The following WRN variants were observed in gnomAD, a reference collection of about 807,000 sequenced individuals.
WRN encodes bifunctional 3'-5' exonuclease/ATP-dependent helicase WRN.
WRN carries 149 observed loss-of-function variants against 180.7 expected under a neutral mutation model. The ratio of observed to expected loss-of-function variants is 0.82; its 90% confidence interval spans 0.72 to 0.94. The LOEUF (loss-of-function observed/expected upper bound fraction) is 0.94, where lower values mean the gene tolerates loss of function less well. WRN is among the 40% of genes least tolerant of loss of function. The probability of loss-of-function intolerance (pLI) is 0.00; values close to 1 mark genes in which losing one functional copy is unlikely to be tolerated. For synonymous variants in WRN, 548 were observed against 568.9 expected, an observed-to-expected ratio of 0.96 and a Z score of 0.52; for missense variants, 1,661 against 1,700.1, an observed-to-expected ratio of 0.98 and a Z score of 0.40.
chr8:31,047,096 A>G (rs1379637204), intron 1 of WRN, among the ~76,000 whole-genome samples: 1 of 147,680 alleles, frequency 6.8e-6, no homozygotes, highest in Non-Finnish European at 1.5e-5. Flanking sequence ...AATTGGTCTT[A>G]CTGTAAAATT....
At chr8:31,062,546 TAC>T (rs1414968584) in intron 3 of WRN, among the ~76,000 whole-genome samples, 1 of 151,818 alleles carries the variant, frequency 6.6e-6, no homozygotes, top group Non-Finnish European at 1.5e-5. Context: ...TAGCTGGGAC[TAC>T]AGGCATGCAC....
At chr8:31,121,178 G>A (rs1036647330) in intron 21 of WRN, among the ~76,000 whole-genome samples, 3 of 151,920 alleles carry the variant, frequency 2.0e-5, no homozygotes, top group Non-Finnish European at 2.9e-5. Context: ...AGAATCTCAG[G>A]AGAAAAACCT....
intron 17 of WRN, among the ~76,000 whole-genome samples, chr8:31,097,801 T>A (rs1310260258): frequency 6.6e-6 from 1 of 151,998 alleles, no homozygotes; most frequent in African/African-American, 2.4e-5. Context: ...TTTTTCTTCT[T>A]GGTGGTTAGG....
intron 33 of WRN, among the ~76,000 whole-genome samples, chr8:31,159,047 C>A (rs902400669): frequency 6.6e-6 from 1 of 151,858 alleles, no homozygotes; most frequent in African/African-American, 2.4e-5. Context: ...GTCTGTAATC[C>A]CAGCACTTTG....
chr8:31,054,553 C>T (rs1812190692), intron 1 of WRN, among the ~76,000 whole-genome samples: 1 of 151,920 alleles, frequency 6.6e-6, no homozygotes, highest in South Asian at 2.1e-4. Context: ...AAAACAACAA[C>T]AACAAAAATT....
intron 7 of WRN, among the ~76,000 whole-genome samples, chr8:31,074,332 A>G (rs944459169): frequency 6.6e-6 from 1 of 152,170 alleles, no homozygotes; most frequent in African/African-American, 2.4e-5. Context: ...GAGTGAGTGT[A>G]GACAACTCTT....
intron 31 of WRN, among the ~76,000 whole-genome samples, chr8:31,152,455 A>G (rs1303930488): frequency 1.3e-5 from 2 of 152,260 alleles, no homozygotes; most frequent in East Asian, 3.9e-4. Context: ...ATGAAATAAT[A>G]CTGGCTATGA....
chr8:31,058,330 G>A (rs1486567444), intron 1 of WRN, 42 bp from the exon 2 acceptor site: 3 of 824,640 alleles, frequency 3.6e-6, no homozygotes, highest in Non-Finnish European at 4.0e-6. Context: ...CTTTAAATAT[G>A]TATGTTTGGT....
chr8:31,143,694 G>A, intron 28 of WRN, 71 bp downstream of exon 28: 1 of 1,103,986 alleles, frequency 9.1e-7, no homozygotes, highest in Admixed American at 1.9e-5. Flanking sequence ...AGAAAGAACT[G>A]TCAGATGTTG....
chr8:31,120,805 A>G (rs551951802), intron 21 of WRN, among the ~76,000 whole-genome samples: 25 of 152,130 alleles, frequency 1.6e-4, no homozygotes, highest in African/African-American at 6.0e-4. Flanking sequence ...AGTTACTTCA[A>G]CTACCACTGA....
chr8:31,102,352 A>G (rs967010603), intron 18 of WRN, among the ~76,000 whole-genome samples: 1 of 152,208 alleles, frequency 6.6e-6, no homozygotes, highest in Non-Finnish European at 1.5e-5. Context: ...CTTGAGATCT[A>G]TCCAAGTTGT....
Position 31,067,150 on chromosome 8 carries a change from G to C in WRN, c.622G>C (p.Asp208His), listed in dbSNP as rs2130050397. The change falls in exon 6 of 35, where the codon GAC becomes CAC. Residue 208 changes from aspartate (D) to histidine (H), a missense_variant. Asp to His is a moderately conservative substitution (Grantham distance 81, BLOSUM62 -1). Around this residue, in one of 3 missense-constraint regions of WRN, gnomAD observed 500 missense variants for 504.1 expected, o/e 0.99. Transcript: ENST00000298139. The part of the protein sequence containing the change: ...SNWSKFPLTE[D>H]QKLYAATDAY... The stretch of plus-strand genomic sequence containing the variant: ...TTGGAGTAAATTTCCTCTCACTGAG[G>C]ACCAGAAACTGTATGCAGCCACTGA... 6.2e-7 allele frequency: 1 copy of C among 1,613,830 alleles called. No homozygotes were observed. Among genetic ancestry groups the C allele is most frequent in the Admixed American group, 1.7e-5 (1 of 60,028 alleles).
At chr8:31,131,554 T>A (rs1158024964) in intron 23 of WRN, 4 of 152,534 alleles carry the variant, frequency 2.6e-5, no homozygotes, top group African/African-American at 7.2e-5. Context: ...TCTCCATGTC[T>A]GCTGCTGGAA....
intron 19 of WRN, among the ~76,000 whole-genome samples, chr8:31,113,899 G>GAA (rs1801417430): frequency 6.6e-6 from 1 of 152,050 alleles, no homozygotes; most frequent in South Asian, 2.1e-4. Flanking sequence ...ACATCCTTAA[G>GAA]TCTGGAATAC....
At chr8:31,170,345 G>A (rs1016090259) in intron 34 of WRN, among the ~76,000 whole-genome samples, 2 of 151,904 alleles carry the variant, frequency 1.3e-5, no homozygotes, top group African/African-American at 4.8e-5. Context: ...GTATAAGAGA[G>A]AATGTATGAC....
At chr8:31,164,242 G>A (rs995849622) in intron 33 of WRN, among the ~76,000 whole-genome samples, 2 of 152,002 alleles carry the variant, frequency 1.3e-5, no homozygotes, top group African/African-American at 2.4e-5. Context: ...AATACTTTTT[G>A]TTCTCTTACT....
rs201893080 is a variant in WRN at position 31,154,601 on chromosome 8, G to A, written c.3688-23G>A. ...ATTGTATTGATATTACTGATCATTT[G>A]TGCTACATTAAAAATTCTGTAGACA... On this transcript the variant is annotated intron_variant, in intron 31 of 34. Coordinates refer to ENST00000298139, the MANE Select transcript of WRN (RefSeq NM_000553.6). 3.0e-4 allele frequency: 486 copies of A among 1,601,308 alleles called. 2 individuals carry two copies. The Middle Eastern group carries it at 6.0e-3, about 20-fold the overall frequency.
intron 23 of WRN, 71 bp from the exon 24 acceptor site, chr8:31,132,294 G>T (rs1355836964): frequency 6.4e-7 from 1 of 1,550,778 alleles, no homozygotes. Context: ...TAATTGTTAT[G>T]CTAAATCTTT....
At chr8:31,108,422 G>T (rs903417980) in intron 18 of WRN, among the ~76,000 whole-genome samples, 6 of 151,970 alleles carry the variant, frequency 3.9e-5, no homozygotes, top group African/African-American at 1.5e-4. Context: ...AAGAGAAAAG[G>T]TTCTATTCAT....
Sources: allele counts gnomAD v4.1 joint callset (sites outside exome capture counted in the v4.1 genomes callset), GRCh38; gene constraint gnomAD v4.1.1; regional missense constraint gnomAD v4.1.1; transcripts MANE v1.5; gene names NCBI Gene and HGNC (gene_info 2026-07-23, HGNC 2026-07-21).